Variants in ZDHHC9 observed in about 807,000 individuals in gnomAD.
The protein encoded by ZDHHC9 is palmitoyltransferase ZDHHC9.
ZDHHC9 carries 3 observed loss-of-function variants against 26.6 expected under a neutral mutation model. The observed-to-expected ratio is 0.11, with a 90% CI of 0.05 to 0.29. The LOEUF is 0.29. ZDHHC9 is among the 10% of genes least tolerant of loss of function. The probability of loss-of-function intolerance (pLI) is 1.00; values close to 1 mark genes in which losing one functional copy is unlikely to be tolerated. For missense variants in ZDHHC9, 146 were observed against 296.4 expected (o/e 0.49, Z 3.73); for synonymous variants, 111 against 109.4 (o/e 1.01, Z -0.09).
chrX:129,840,119 T>C (rs957147449), intron 3 of ZDHHC9, among the ~76,000 whole-genome samples: 1 of 111,049 alleles, frequency 9.0e-6, no homozygotes. Flanking sequence ...CAGATTCTTC[T>C]GCTGGCTCCC....
In ZDHHC9 at chrX:129,804,368, C is replaced by G. The variant is rs932301740; in HGVS notation, c.*2002G>C. 2.7e-4 allele frequency: 30 copies of G among 111,651 alleles called. No individual in the cohort carries two copies. Among genetic ancestry groups the G allele is most frequent in the Admixed American group, 2.5e-3 (26 of 10,532 alleles). 9.2% of individuals were successfully genotyped at this position (111,651 alleles called of 1,213,427 possible). A position where few individuals can be genotyped will look rare whatever the true frequency, so the allele number is the denominator to read the frequency against. ...CCCATCTCTCTTCCAATCTCTCTCT[C>G]TCTCTCTCTCTCAAGAATGCTCAAC... is the stretch of plus-strand genomic sequence containing the variant. On this transcript the variant is annotated 3_prime_UTR_variant, in exon 11 of 11. Transcript: ENST00000357166.
At chrX:129,837,373 C>T (rs1343757072) in intron 3 of ZDHHC9, among the ~76,000 whole-genome samples, 1 of 112,056 alleles carries the variant, frequency 8.9e-6, no homozygotes, top group Non-Finnish European at 1.9e-5. Context: ...TAAGAAATGT[C>T]ATGTGATTAT....
intron 10 of ZDHHC9, among the ~76,000 whole-genome samples, chrX:129,810,637 G>A (rs140041845): frequency 0.02 from 2,254 of 111,538 alleles, 54 homozygotes; most frequent in African/African-American, 0.07. Flanking sequence ...TGAGCTCCTT[G>A]AGAGCAGGGA....
intron 10 of ZDHHC9, among the ~76,000 whole-genome samples, chrX:129,809,258 G>T (rs1176586852): frequency 8.9e-6 from 1 of 111,840 alleles, no homozygotes; most frequent in African/African-American, 3.3e-5. Flanking sequence ...GCAAAAATTG[G>T]TACACAAATG....
At chrX:129,828,922 C>T in intron 4 of ZDHHC9, 59 bp downstream of exon 4, 1 of 1,192,375 alleles carries the variant, frequency 8.4e-7, no homozygotes, top group Non-Finnish European at 1.1e-6. Context: ...TGATTCCATT[C>T]TCTTACTGAT....
Position 129,841,957 on chromosome X carries a change from C to T in ZDHHC9, c.-12G>A. 8.3e-7 allele frequency: 1 copy of T among 1,211,632 alleles called. No individual in the cohort carries two copies. Among genetic ancestry groups the T allele is most frequent in the East Asian group, 3.0e-5 (1 of 33,863 alleles). On this transcript the variant is annotated 5_prime_UTR_variant, in exon 3 of 11. Coordinates refer to ENST00000357166, the MANE Select transcript of ZDHHC9 (RefSeq NM_016032.4). Reference sequence around the variant, plus strand: ...ACCATCACAGACATGATTGGAATTCCTGCTCCAAAATGGGTTTTGCGATTA... The same window carrying T: ...ACCATCACAGACATGATTGGAATTCTTGCTCCAAAATGGGTTTTGCGATTA...
chrX:129,818,570 C>T (rs371635685), intron 5 of ZDHHC9, among the ~76,000 whole-genome samples: 14 of 112,189 alleles, frequency 1.2e-4, no homozygotes, highest in African/African-American at 3.2e-4. Context: ...TGAATAATGT[C>T]TAATGACAGA....
intron 8 of ZDHHC9, among the ~76,000 whole-genome samples, chrX:129,811,716 A>G (rs1272696464): frequency 9.0e-6 from 1 of 111,131 alleles, no homozygotes; most frequent in African/African-American, 3.3e-5. Context: ...TACATTTAGG[A>G]TATGAGGGCG....
chrX:129,806,504 T>C lies in ZDHHC9; in HGVS notation c.979-18A>G, dbSNP rs202246689. 7.7e-6 allele frequency: 9 copies of C among 1,174,353 alleles called. No individual in the cohort carries two copies. Among genetic ancestry groups the C allele is most frequent in the Admixed American group, 4.4e-5 (2 of 45,576 alleles). On this transcript the variant is annotated intron_variant, in intron 10 of 10. Coordinates refer to ENST00000357166, the MANE Select transcript of ZDHHC9 (RefSeq NM_016032.4). ...GTGGGGGCCTGAGAAGGAAAAGATA[T>C]GAGATTCAACACAAAGCTGTTCCTC...
intron 5 of ZDHHC9, among the ~76,000 whole-genome samples, chrX:129,821,936 T>C (rs1172505134): frequency 1.8e-5 from 2 of 110,015 alleles, no homozygotes; most frequent in Admixed American, 9.7e-5. Flanking sequence ...AATAAATAAA[T>C]AAAATGGGCT....
intron 6 of ZDHHC9, 27 bp downstream of exon 6, chrX:129,814,631 A>G: frequency 4.1e-6 from 5 of 1,210,022 alleles, no homozygotes; most frequent in Non-Finnish European, 5.6e-6. Flanking sequence ...CCCCACTCCA[A>G]CAACGGACAC....
rs747438423 is a variant in ZDHHC9 at position 129,823,466 on chromosome X, A to G, written c.487+213T>C. The stretch of plus-strand genomic sequence containing the variant: ...TACTAAAGAGGTTTTTGTAAAGTTT[A>G]GGCTAGAGGATATTTAAATTTTGAT... On this transcript the variant is annotated intron_variant, in intron 5 of 10. Coordinates refer to ENST00000357166, the MANE Select transcript of ZDHHC9 (RefSeq NM_016032.4). 11 of 428,242 alleles carry G rather than the reference A, an allele frequency of 2.6e-5. No individual in the cohort carries two copies. In the African/African-American group the frequency reaches 2.7e-4, roughly 11 times the overall value. The allele number at this position is 428,242 out of a possible 1,213,427, so 35.3% of individuals were successfully genotyped here.
intron 10 of ZDHHC9, among the ~76,000 whole-genome samples, chrX:129,810,159 GC>G (rs1927605355): frequency 9.3e-6 from 1 of 108,044 alleles, no homozygotes; most frequent in Non-Finnish European, 1.9e-5. Context: ...GACCATCCTG[GC>G]CAGGATGGTG....
chrX:129,829,992 C>T (rs1367013656), intron 3 of ZDHHC9, among the ~76,000 whole-genome samples: 1 of 111,879 alleles, frequency 8.9e-6, no homozygotes, highest in Non-Finnish European at 1.9e-5. Context: ...CCAATTCTCA[C>T]ACTAAATCTA....
chrX:129,811,533 A>C, intron 8 of ZDHHC9, 24 bp from the exon 9 acceptor site: 2 of 1,096,369 alleles, frequency 1.8e-6, no homozygotes, highest in Non-Finnish European at 1.3e-6. Context: ...ACCAAGGCTG[A>C]CATTAAAAAT....
At chrX:129,827,711 T>A (rs1464635394) in intron 4 of ZDHHC9, among the ~76,000 whole-genome samples, 1 of 111,273 alleles carries the variant, frequency 9.0e-6, no homozygotes, top group East Asian at 2.8e-4. Context: ...CTACTGAGCC[T>A]GCAATTGCTT....
intron 5 of ZDHHC9, among the ~76,000 whole-genome samples, chrX:129,822,224 C>G (rs1445369386): frequency 9.0e-6 from 1 of 111,196 alleles, no homozygotes; most frequent in Non-Finnish European, 1.9e-5. Flanking sequence ...CAATGATAGA[C>G]CGGATAAAGA....
chrX:129,823,984 T>C (rs925140343), intron 4 of ZDHHC9, 147 bp from the exon 5 acceptor site: 2 of 521,675 alleles, frequency 3.8e-6, no homozygotes, highest in African/African-American at 4.6e-5. Context: ...TCACAGAATA[T>C]GCCCATAAAA....
chrX:129,832,116 A>C (rs757018973), intron 3 of ZDHHC9, among the ~76,000 whole-genome samples: 1 of 102,018 alleles, frequency 9.8e-6, no homozygotes, highest in Non-Finnish European at 1.9e-5. Context: ...GTATAGATGT[A>C]TCAAAACATC....
Sources: gnomAD v4.1 joint callset for allele counts (sites outside exome capture counted in the v4.1 genomes callset) on GRCh38, gnomAD v4.1.1 for gene constraint, MANE v1.5 for transcripts, NCBI Gene and HGNC (gene_info 2026-07-23, HGNC 2026-07-21) for gene names.